The following FAM107B variants were observed in gnomAD, a reference collection of about 807,000 sequenced individuals.
FAM107B encodes protein FAM107B.
A neutral mutation model predicts 31.5 loss-of-function variants in FAM107B; 21 were observed. That is an observed-to-expected ratio of 0.67 (90% confidence interval 0.47 to 0.96). The LOEUF (loss-of-function observed/expected upper bound fraction) is 0.96, where lower values mean the gene tolerates loss of function less well. FAM107B is among the 40% of genes least tolerant of loss of function. The pLI, the probability that FAM107B is intolerant of heterozygous loss-of-function variation, is 0.00. For synonymous variants in FAM107B, 157 were observed against 141.5 expected (o/e 1.11, Z -0.78); for missense variants, 452 against 377.1 (o/e 1.20, Z -1.64).
At chr10:14,641,774 T>G (rs1853634611) in intron 2 of FAM107B, among the ~76,000 whole-genome samples, 1 of 152,212 alleles carries the variant, frequency 6.6e-6, no homozygotes, top group African/African-American at 2.4e-5. Flanking sequence ...CACATATGAA[T>G]TTGTGGTGGG....
At chr10:14,763,914 C>T (rs992789496) in intron 1 of FAM107B, among the ~76,000 whole-genome samples, 5 of 152,260 alleles carry the variant, frequency 3.3e-5, no homozygotes, top group Non-Finnish European at 1.5e-5. Flanking sequence ...CAAGAGCCTC[C>T]TTAGACCGGG....
chr10:14,748,721 G>A (rs1300561845), intron 1 of FAM107B, among the ~76,000 whole-genome samples: 1 of 152,210 alleles, frequency 6.6e-6, no homozygotes, highest in Admixed American at 6.5e-5. Flanking sequence ...AGCAGTCTGG[G>A]GTGTGGTCCC....
intron 2 of FAM107B, among the ~76,000 whole-genome samples, chr10:14,593,277 G>A (rs939865286): frequency 1.4e-4 from 21 of 151,972 alleles, no homozygotes; most frequent in African/African-American, 4.4e-4. Context: ...CATACTAAAC[G>A]TGAAAAATAA....
At chr10:14,708,927 G>GAGATACCACT (rs1855579530) in intron 1 of FAM107B, among the ~76,000 whole-genome samples, 4 of 78,050 alleles carry the variant, frequency 5.1e-5, no homozygotes, top group South Asian at 6.1e-4. Flanking sequence ...TTAAAACAAT[G>GAGATACCACT]GAAAATTAGC....
chr10:14,730,240 C>G (rs995698185), intron 1 of FAM107B, among the ~76,000 whole-genome samples: 3 of 152,100 alleles, frequency 2.0e-5, no homozygotes, highest in African/African-American at 4.8e-5. Context: ...GGTTTCATAT[C>G]CGGAGATGGG....
intron 2 of FAM107B, among the ~76,000 whole-genome samples, chr10:14,648,021 A>G (rs1588681266): frequency 6.6e-6 from 1 of 152,112 alleles, no homozygotes; most frequent in African/African-American, 2.4e-5. Flanking sequence ...AAGGCGATAT[A>G]AAACATTTTC....
intron 1 of FAM107B, among the ~76,000 whole-genome samples, chr10:14,738,797 T>C (rs1160467603): frequency 2.0e-5 from 3 of 152,182 alleles, no homozygotes; most frequent in South Asian, 2.1e-4. Flanking sequence ...TAAGTTTCCA[T>C]TGATTATATT....
intron 2 of FAM107B, among the ~76,000 whole-genome samples, chr10:14,580,495 A>C (rs1460774994): frequency 6.6e-6 from 1 of 152,208 alleles, no homozygotes; most frequent in Non-Finnish European, 1.5e-5. Flanking sequence ...AAAAATAAAA[A>C]GGTACATACT....
chr10:14,737,766 T>TCTCTCTCTCTCTCTCTCTCTCTC (rs1856336376), intron 1 of FAM107B, among the ~76,000 whole-genome samples: 3 of 127,050 alleles, frequency 2.4e-5, no homozygotes, highest in African/African-American at 6.5e-5. Context: ...CGTGCACGCT[T>TCTCTCTCTCTCTCTCTCTCTCTC]TCTCTCTCTC....
At chr10:14,723,852 A>C (rs1479676579) in intron 1 of FAM107B, 1 of 755,620 alleles carries the variant, frequency 1.3e-6, no homozygotes, top group Non-Finnish European at 2.4e-6. Context: ...CAGGGTTTTC[A>C]ATGGCAACAA....
At chr10:14,572,508 C>A in intron 2 of FAM107B, 7 of 533,084 alleles carry the variant, frequency 1.3e-5, no homozygotes, top group Non-Finnish European at 1.7e-5. Context: ...GGATTCATGG[C>A]ATCACAGCCC....
intron 1 of FAM107B, among the ~76,000 whole-genome samples, chr10:14,704,379 C>T (rs1244860972): frequency 1.3e-5 from 2 of 151,646 alleles, no homozygotes; most frequent in East Asian, 1.9e-4. Flanking sequence ...CAACAAAATG[C>T]TAAGTGTCAC....
chr10:14,770,625 C>A (rs1833279777), intron 1 of FAM107B, among the ~76,000 whole-genome samples: 1 of 152,136 alleles, frequency 6.6e-6, no homozygotes, highest in Non-Finnish European at 1.5e-5. Context: ...TACAAGACCA[C>A]TAAGAAGGGG....
chr10:14,521,301 T>C lies in FAM107B; in HGVS notation c.810A>G (p.Glu270=), dbSNP rs545321031. The C allele has an allele frequency of 2.5e-6, 4 of 1,613,894 alleles. No individual in the cohort carries two copies. Among genetic ancestry groups the C allele is most frequent in the South Asian group, 2.2e-5 (2 of 91,044 alleles). ...CTTCTTGCAATTTCTGCTTCTCAAG[T>C]TCAAGCTAAATGACATTCAGAAAAG... ...LKRQQKLEQL[E]LEKQKLQEEQ... is the part of the protein sequence containing the mutation. The change falls in exon 5 of 5, where the codon GAA becomes GAG. Residue 270 remains glutamate, a synonymous_variant. Transcript: ENST00000181796.
At chr10:14,672,104 A>ATTTTTT (rs11377065) in intron 1 of FAM107B, among the ~76,000 whole-genome samples, 1 of 142,218 alleles carries the variant, frequency 7.0e-6, no homozygotes, top group South Asian at 2.2e-4. Flanking sequence ...TTATTTATTT[A>ATTTTTT]TTTTTTTTTT....
At chr10:14,657,811 T>G (rs186684175) in intron 2 of FAM107B, among the ~76,000 whole-genome samples, 1 of 149,308 alleles carries the variant, frequency 6.7e-6, no homozygotes, top group African/African-American at 2.5e-5. Flanking sequence ...CACCTTCACT[T>G]TTTTTTTTCC....
intron 2 of FAM107B, among the ~76,000 whole-genome samples, chr10:14,614,245 C>T (rs371318035): frequency 3.3e-5 from 5 of 152,238 alleles, no homozygotes; most frequent in East Asian, 1.9e-4. Context: ...GCTCTGAGCA[C>T]GATCAGAAGC....
At chr10:14,668,740 C>G (rs1351531897) in intron 1 of FAM107B, among the ~76,000 whole-genome samples, 1 of 152,136 alleles carries the variant, frequency 6.6e-6, no homozygotes, top group Non-Finnish European at 1.5e-5. Context: ...AACCTTTAGG[C>G]AGGATACCTT....
chr10:14,678,726 GAA>G, intron 1 of FAM107B, among the ~76,000 whole-genome samples: 1 of 151,478 alleles, frequency 6.6e-6, no homozygotes, highest in East Asian at 1.9e-4. Context: ...GAACCTGAGA[GAA>G]AGAGAATTTG....
Sources: gnomAD v4.1 joint callset for allele counts (sites outside exome capture counted in the v4.1 genomes callset) on GRCh38, gnomAD v4.1.1 for gene constraint, MANE v1.5 for transcripts, NCBI Gene and HGNC (gene_info 2026-07-23, HGNC 2026-07-21) for gene names.